Variants in INTS7 observed in about 807,000 individuals in gnomAD.
INTS7 encodes integrator complex subunit 7, also known as chromosome 1 open reading frame 73.
A neutral mutation model predicts 109.2 loss-of-function variants in INTS7; 46 were observed. The observed-to-expected ratio is 0.42, with a 90% CI of 0.33 to 0.54. The LOEUF is 0.54. Ranked by LOEUF, INTS7 falls within the 20% of genes least tolerant of loss-of-function variation. The probability of loss-of-function intolerance (pLI) is 0.07; values close to 1 mark genes in which losing one functional copy is unlikely to be tolerated. For synonymous variants in INTS7, 412 were observed against 402.9 expected (o/e 1.02, Z -0.27); for missense variants, 929 against 1,132.4 (o/e 0.82, Z 2.58).
intron 8 of INTS7, among the ~76,000 whole-genome samples, chr1:211,985,396 T>C (rs887174041): frequency 2.0e-5 from 3 of 152,174 alleles, no homozygotes; most frequent in Non-Finnish European, 2.9e-5. Flanking sequence ...GAAATAAAGA[T>C]TTACCATTAT....
intron 13 of INTS7, among the ~76,000 whole-genome samples, chr1:211,971,942 GAAAAGA>G (rs1297678607): frequency 7.4e-6 from 1 of 136,040 alleles, no homozygotes; most frequent in East Asian, 2.1e-4. Context: ...AAAAAGAAAA[GAAAAGA>G]AAAAGAAAAA....
chr1:212,005,005 A>G (rs1262972048), intron 7 of INTS7, among the ~76,000 whole-genome samples: 1 of 152,172 alleles, frequency 6.6e-6, no homozygotes, highest in Non-Finnish European at 1.5e-5. Flanking sequence ...GAAGATACGC[A>G]TTTTCTGTAA....
At chr1:211,978,043 T>G (rs1664495167) in intron 11 of INTS7, among the ~76,000 whole-genome samples, 1 of 152,006 alleles carries the variant, frequency 6.6e-6, no homozygotes, top group Admixed American at 6.6e-5. Context: ...AAGAAAGCAG[T>G]TTTAGAGGTG....
chr1:211,990,699 T>C (rs1047386399), intron 7 of INTS7, among the ~76,000 whole-genome samples: 2 of 152,206 alleles, frequency 1.3e-5, no homozygotes, highest in African/African-American at 2.4e-5. Flanking sequence ...AGGTAATGCA[T>C]ACACATACTC....
intron 16 of INTS7, among the ~76,000 whole-genome samples, chr1:211,961,577 G>A (rs562202565): frequency 5.9e-5 from 9 of 151,902 alleles, no homozygotes; most frequent in Non-Finnish European, 1.2e-4. Flanking sequence ...TTACAGGCAC[G>A]TGCCACCATG....
intron 16 of INTS7, among the ~76,000 whole-genome samples, chr1:211,960,630 T>C (rs1663580266): frequency 6.6e-6 from 1 of 151,382 alleles, no homozygotes; most frequent in Non-Finnish European, 1.5e-5. Flanking sequence ...CTTGATAGAG[T>C]AGAAAAACAA....
chr1:211,956,166 C>G (rs557110974), intron 16 of INTS7, among the ~76,000 whole-genome samples: 1 of 152,264 alleles, frequency 6.6e-6, no homozygotes, highest in East Asian at 1.9e-4. Flanking sequence ...AAAGACTATT[C>G]TTTTCCCATA....
chr1:211,940,593 T>TA lies in INTS7; in HGVS notation c.*1230dup, dbSNP rs1429997696. The TA allele has an allele frequency of 6.6e-6, 1 of 152,150 alleles. No individual in the cohort carries two copies. The allele number at this position is 152,150 out of a possible 1,614,324, so 9.4% of individuals were successfully genotyped here. ...AAAAGCAGTTAAGTTATATCTACCA[T>TA]ACTGTGCTAAGAAAGTCTATTTTAT... On this transcript the variant is annotated 3_prime_UTR_variant, in exon 20 of 20. Coordinates refer to ENST00000366994, the MANE Select transcript of INTS7 (RefSeq NM_015434.4).
Position 211,959,010 on chromosome 1 carries a change from G to A in INTS7, c.2184-6309C>T, listed in dbSNP as rs1227974087. On this transcript the variant is annotated intron_variant, in intron 16 of 19. Coordinates refer to ENST00000366994, the MANE Select transcript of INTS7 (RefSeq NM_015434.4). The surrounding 1 kb of genome is among the most constrained non-coding windows in gnomAD (Gnocchi z 4.2). ...ACCCCTGCATGGGGATATCGCACCGGGGGAACAGTGACTTGAACTGGCAAA... is the reference window on the plus strand; with the variant it reads ...ACCCCTGCATGGGGATATCGCACCGAGGGAACAGTGACTTGAACTGGCAAA... 2.0e-5 allele frequency among the ~76,000 whole-genome samples: 3 copies of A among 152,174 alleles called. No homozygotes were observed. The highest frequency in any genetic ancestry group is 4.4e-5 in the Non-Finnish European group (3 of 68,026).
chr1:211,953,510 A>G lies in INTS7; in HGVS notation c.2184-809T>C, dbSNP rs530472109. 1.2e-4 allele frequency among the ~76,000 whole-genome samples: 18 copies of G among 146,256 alleles called. 1 individual carries two copies. The South Asian group carries it at 4.1e-3, about 33-fold the overall frequency. On this transcript the variant is annotated intron_variant, in intron 16 of 19. Transcript: ENST00000366994. ...GGTGTGCTGCACCCATTAACTCGTC[A>G]TTTAGCATTAGGTATATCTCCTAAT...
intron 7 of INTS7, among the ~76,000 whole-genome samples, chr1:211,999,770 G>T (rs1204119185): frequency 6.6e-6 from 1 of 152,116 alleles, no homozygotes; most frequent in Non-Finnish European, 1.5e-5. Context: ...ATTTGAAAAA[G>T]ATAAGAAAGC....
intron 10 of INTS7, among the ~76,000 whole-genome samples, chr1:211,980,869 C>T (rs999122515): frequency 2.6e-5 from 4 of 152,108 alleles, no homozygotes; most frequent in Admixed American, 1.3e-4. Flanking sequence ...AATTAATGAA[C>T]GCTTATGTTA....
In INTS7 at chr1:211,941,151, G is replaced by A. The variant is rs191947881; in HGVS notation, c.*673C>T. On this transcript the variant is annotated 3_prime_UTR_variant, in exon 20 of 20. Transcript: ENST00000366994. Reference sequence around the variant, plus strand: ...CCATGGATAAACCTTGTAGTGACTGGTCAGAACCTCCCAATGAACAACTCA... The same window carrying A: ...CCATGGATAAACCTTGTAGTGACTGATCAGAACCTCCCAATGAACAACTCA... 3.0e-4 allele frequency: 46 copies of A among 152,392 alleles called. 1 individual carries two copies. The highest frequency in any genetic ancestry group is 5.1e-4 in the Non-Finnish European group (35 of 68,150). 9.4% of individuals were successfully genotyped at this position (152,392 alleles called of 1,614,324 possible). A position where few individuals can be genotyped will look rare whatever the true frequency, so the allele number is the denominator to read the frequency against.
Position 211,947,847 on chromosome 1 carries a change from G to A in INTS7, c.2317-1142C>T, listed in dbSNP as rs567138485. On this transcript the variant is annotated intron_variant, in intron 17 of 19. Coordinates refer to ENST00000366994, the MANE Select transcript of INTS7 (RefSeq NM_015434.4). ...ACTTAAGCACTCACGGTACATCAAA[G>A]GTTAGTCTTTATATGAGTAAACAAG... 3.3e-5 allele frequency among the ~76,000 whole-genome samples: 5 copies of A among 152,176 alleles called. No homozygotes were observed. The East Asian group carries it at 9.6e-4, about 29-fold the overall frequency.
chr1:211,968,075 T>C, intron 14 of INTS7, 94 bp from the exon 15 acceptor site: 1 of 609,950 alleles, frequency 1.6e-6, no homozygotes, highest in Non-Finnish European at 2.8e-6. Flanking sequence ...CTTCAAACAA[T>C]AACAATTCAA....
intron 13 of INTS7, among the ~76,000 whole-genome samples, chr1:211,974,612 C>T (rs1192483968): frequency 1.3e-5 from 2 of 152,020 alleles, no homozygotes; most frequent in East Asian, 3.9e-4. Flanking sequence ...TAGGTTCCTA[C>T]TTAGGAATAT....
At chr1:212,015,565 A>G (rs1046889390) in intron 4 of INTS7, among the ~76,000 whole-genome samples, 3 of 152,060 alleles carry the variant, frequency 2.0e-5, no homozygotes, top group African/African-American at 7.2e-5. Context: ...GGACACAAAC[A>G]CTGAGGAAGG....
At chr1:212,001,265 C>T (rs929852110) in intron 7 of INTS7, among the ~76,000 whole-genome samples, 1 of 151,628 alleles carries the variant, frequency 6.6e-6, no homozygotes. Context: ...CAAGGTTTCT[C>T]CATGTTTGTC....
chr1:212,020,140 G>A lies in INTS7; in HGVS notation c.353C>T (p.Ala118Val). 3 of 1,603,244 alleles carry A rather than the reference G, an allele frequency of 1.9e-6. No individual in the cohort carries two copies. The highest frequency in any genetic ancestry group is 2.6e-6 in the Non-Finnish European group (3 of 1,174,500). The change falls in exon 3 of 20, where the codon GCA becomes GTA. Residue 118 changes from alanine to valine, a missense_variant. Coordinates refer to ENST00000366994, the MANE Select transcript of INTS7 (RefSeq NM_015434.4). ...FSVIHSNDPV[A>V]RAITLRMLGS... The stretch of plus-strand genomic sequence containing the variant: ...TATATACCGGAGGGTGATGGCTCTT[G>A]CCACAGGATCATTACTATGAATCAC...
Sources: allele counts gnomAD v4.1 joint callset (sites outside exome capture counted in the v4.1 genomes callset), GRCh38; gene constraint gnomAD v4.1.1; non-coding constraint Gnocchi (gnomAD v3.1); transcripts MANE v1.5; gene names NCBI Gene and HGNC (gene_info 2026-07-23, HGNC 2026-07-21).